The following TRAF3 variants were observed in gnomAD, a reference collection of about 807,000 sequenced individuals.
TRAF3 encodes the protein TNF receptor-associated factor 3.
A neutral mutation model predicts 62.3 loss-of-function variants in TRAF3; 13 were observed. The observed-to-expected ratio is 0.21, with a 90% CI of 0.14 to 0.33. The LOEUF is 0.33. TRAF3 is among the 10% of genes least tolerant of loss of function. TRAF3 has a pLI of 1.00. For synonymous variants in TRAF3, 269 were observed against 283.4 expected, an observed-to-expected ratio of 0.95 and a Z score of 0.51; for missense variants, 440 against 741.8, an observed-to-expected ratio of 0.59 and a Z score of 4.73.
At chr14:102,802,245 C>T (rs1370974423) in intron 1 of TRAF3, among the ~76,000 whole-genome samples, 2 of 144,392 alleles carry the variant, frequency 1.4e-5, no homozygotes, top group Non-Finnish European at 3.0e-5. Flanking sequence ...ACCTCCGCCT[C>T]CCGGGTTCAC....
intron 1 of TRAF3, among the ~76,000 whole-genome samples, chr14:102,820,846 C>T (rs1402691336): frequency 6.6e-6 from 1 of 151,136 alleles, no homozygotes; most frequent in African/African-American, 2.4e-5. Flanking sequence ...GTTGACTAGG[C>T]TGGTCTTGAA....
At chr14:102,819,449 G>T (rs1246577806) in intron 1 of TRAF3, among the ~76,000 whole-genome samples, 8 of 152,236 alleles carry the variant, frequency 5.3e-5, no homozygotes, top group Non-Finnish European at 1.2e-4. Flanking sequence ...TTGCTTTCAT[G>T]CAGTCTACCC....
In TRAF3 at chr14:102,906,032, G is replaced by A. The variant is rs762313920; in HGVS notation, c.*248G>A. 9.5e-6 allele frequency: 4 copies of A among 423,230 alleles called. No homozygotes were observed. The highest frequency in any genetic ancestry group is 1.7e-5 in the Non-Finnish European group (4 of 238,440). 26.2% of individuals were successfully genotyped at this position (423,230 alleles called of 1,614,324 possible). On this transcript the variant is annotated 3_prime_UTR_variant, in exon 12 of 12. Transcript: ENST00000392745. Reference sequence around the variant, plus strand: ...AAGATAAATATTGCTGTCAGAGAAGGTTTTCATTTTCATTTTTAAAGATCT... The same window carrying A: ...AAGATAAATATTGCTGTCAGAGAAGATTTTCATTTTCATTTTTAAAGATCT...
At chr14:102,843,916 A>G (rs151317973) in intron 2 of TRAF3, among the ~76,000 whole-genome samples, 121 of 152,388 alleles carry the variant, frequency 7.9e-4, no homozygotes, top group South Asian at 1.9e-3. Flanking sequence ...TGAAAACACT[A>G]TGGATTCAGT....
intron 1 of TRAF3, among the ~76,000 whole-genome samples, chr14:102,800,685 T>C (rs1898343573): frequency 1.3e-5 from 2 of 151,820 alleles, no homozygotes; most frequent in East Asian, 3.9e-4. Flanking sequence ...ACATGTTTCC[T>C]GTTCTTTTCC....
chr14:102,791,838 G>T (rs1897805220), intron 1 of TRAF3, among the ~76,000 whole-genome samples: 1 of 151,402 alleles, frequency 6.6e-6, no homozygotes, highest in Admixed American at 6.6e-5. Context: ...TTTGACACAG[G>T]GTCTTGCTCT....
intron 1 of TRAF3, among the ~76,000 whole-genome samples, chr14:102,816,187 C>G (rs1481166472): frequency 1.3e-5 from 2 of 152,036 alleles, no homozygotes; most frequent in Non-Finnish European, 2.9e-5. Context: ...TCTTCAACCT[C>G]CGCCTCCTGG....
intron 4 of TRAF3, among the ~76,000 whole-genome samples, chr14:102,873,905 C>G (rs1429643255): frequency 1.3e-5 from 2 of 152,166 alleles, no homozygotes; most frequent in African/African-American, 4.8e-5. Context: ...CATAGAGCAA[C>G]AGGCAGGAGT....
chr14:102,796,372 C>A (rs368698886), intron 1 of TRAF3, among the ~76,000 whole-genome samples: 1 of 152,360 alleles, frequency 6.6e-6, no homozygotes, highest in African/African-American at 2.4e-5. Context: ...TCTGCAGTAT[C>A]CTCTACGATA....
intron 2 of TRAF3, among the ~76,000 whole-genome samples, chr14:102,839,335 C>T (rs902313227): frequency 6.7e-6 from 1 of 150,080 alleles, no homozygotes; most frequent in Non-Finnish European, 1.5e-5. Context: ...TCTCCTGCCT[C>T]AGCCTTCTGA....
chr14:102,829,607 G>A (rs1269349172), intron 1 of TRAF3, among the ~76,000 whole-genome samples: 1 of 152,164 alleles, frequency 6.6e-6, no homozygotes, highest in Non-Finnish European at 1.5e-5. Context: ...TGTGCTGGTG[G>A]GCTCCTGGCA....
chr14:102,849,224 T>C lies in TRAF3; in HGVS notation c.-18+18752T>C, dbSNP rs542241115. Among the ~76,000 whole-genome samples the C allele has an allele frequency of 2.7e-3, 415 of 152,376 alleles. 4 individuals are homozygous for C. Among genetic ancestry groups the C allele is most frequent in the Non-Finnish European group, 5.1e-3 (346 of 68,032 alleles). On this transcript the variant is annotated intron_variant, in intron 2 of 11. Transcript: ENST00000392745. ...AAATACAGTTGACACTCCAGGAAGATGAACCTTATCACATTTGCAACTTCT... is the reference window on the plus strand; with the variant it reads ...AAATACAGTTGACACTCCAGGAAGACGAACCTTATCACATTTGCAACTTCT...
chr14:102,849,200 A>C (rs1040887322), intron 2 of TRAF3, among the ~76,000 whole-genome samples: 1 of 152,370 alleles, frequency 6.6e-6, no homozygotes, highest in South Asian at 2.1e-4. Flanking sequence ...CACGTCTTCA[A>C]ATACAGTTGA....
At chr14:102,857,827 A>G (rs971067597) in intron 2 of TRAF3, among the ~76,000 whole-genome samples, 2 of 152,242 alleles carry the variant, frequency 1.3e-5, no homozygotes, top group Admixed American at 1.3e-4. Flanking sequence ...AAGAAAACAG[A>G]TTCTTATTGC....
At chr14:102,851,604 C>T (rs1414908436) in intron 2 of TRAF3, among the ~76,000 whole-genome samples, 3 of 152,186 alleles carry the variant, frequency 2.0e-5, no homozygotes, top group African/African-American at 7.2e-5. Context: ...ATTAGCCAGG[C>T]CTGGTGGCGG....
At chr14:102,830,730 G>T (rs1052941081) in intron 2 of TRAF3, among the ~76,000 whole-genome samples, 9 of 152,158 alleles carry the variant, frequency 5.9e-5, no homozygotes, top group African/African-American at 2.2e-4. Flanking sequence ...CTGCAAACTG[G>T]AATGTTGGGA....
chr14:102,835,318 T>G (rs1330491108), intron 2 of TRAF3, among the ~76,000 whole-genome samples: 1 of 148,962 alleles, frequency 6.7e-6, no homozygotes, highest in African/African-American at 2.5e-5. Flanking sequence ...GTAAACTAGT[T>G]CAACCATTGT....
intron 1 of TRAF3, among the ~76,000 whole-genome samples, chr14:102,784,354 C>T (rs1291136483): frequency 1.3e-5 from 2 of 151,588 alleles, no homozygotes; most frequent in East Asian, 3.9e-4. Context: ...TCCTGAGTAG[C>T]TGGGATTACA....
chr14:102,867,750 G>A (rs1566784252), intron 2 of TRAF3, among the ~76,000 whole-genome samples: 1 of 152,180 alleles, frequency 6.6e-6, no homozygotes, highest in African/African-American at 2.4e-5. Context: ...AGATTAGTGA[G>A]CATCATAATG....
Sources: allele counts gnomAD v4.1 joint callset (sites outside exome capture counted in the v4.1 genomes callset), GRCh38; gene constraint gnomAD v4.1.1; transcripts MANE v1.5; gene names NCBI Gene and HGNC (gene_info 2026-07-23, HGNC 2026-07-21).